The following MAPK10 variants were observed in gnomAD, a reference collection of about 807,000 sequenced individuals.
The protein encoded by MAPK10 is mitogen-activated protein kinase 10.
Under a neutral mutation model 59.3 loss-of-function variants are expected in MAPK10, and 25 were observed. That is an observed-to-expected ratio of 0.42 (90% CI 0.31 to 0.59). The LOEUF (loss-of-function observed/expected upper bound fraction) is 0.59, where lower values mean the gene tolerates loss of function less well. MAPK10 is among the 20% of genes least tolerant of loss of function. The pLI is 0.15. For missense variants in MAPK10, 351 were observed against 568.9 expected, an observed-to-expected ratio of 0.62 and a Z score of 3.90; for synonymous variants, 190 against 200.5, an observed-to-expected ratio of 0.95 and a Z score of 0.44.
At chr4:86,073,721 T>C (rs1439526793) in intron 9 of MAPK10, among the ~76,000 whole-genome samples, 1 of 112,056 alleles carries the variant, frequency 8.9e-6, no homozygotes, top group East Asian at 2.3e-4. Flanking sequence ...GGATTCTTAA[T>C]CCTGAGTTCT....
chr4:86,486,638 C>A (rs1040835440), intron 1 of MAPK10, among the ~76,000 whole-genome samples: 6 of 151,998 alleles, frequency 3.9e-5, no homozygotes, highest in South Asian at 4.1e-4. Flanking sequence ...TGAGGTTAGG[C>A]AAAGAAAACT....
intron 1 of MAPK10, among the ~76,000 whole-genome samples, chr4:86,429,363 C>T (rs978018018): frequency 2.0e-5 from 3 of 152,036 alleles, no homozygotes; most frequent in African/African-American, 7.2e-5. Context: ...GCAATTTGAA[C>T]ATGAAAAACA....
At chr4:86,371,869 C>T (rs1306514157) in intron 1 of MAPK10, among the ~76,000 whole-genome samples, 1 of 152,088 alleles carries the variant, frequency 6.6e-6, no homozygotes, top group Non-Finnish European at 1.5e-5. Flanking sequence ...AGATAATATG[C>T]TTTTCCCAGT....
intron 2 of MAPK10, among the ~76,000 whole-genome samples, chr4:86,201,418 A>G (rs2082590136): frequency 2.0e-5 from 3 of 152,062 alleles, no homozygotes; most frequent in South Asian, 2.1e-4. Flanking sequence ...GTTTAAAAAT[A>G]TAATGCTGAC....
intron 9 of MAPK10, among the ~76,000 whole-genome samples, chr4:86,078,593 A>G (rs1015549585): frequency 7.0e-6 from 1 of 142,140 alleles, no homozygotes; most frequent in South Asian, 2.1e-4. Context: ...ATACATATGT[A>G]TATATATATA....
chr4:86,492,720 T>A (rs1236899905), intron 1 of MAPK10, among the ~76,000 whole-genome samples: 1 of 152,214 alleles, frequency 6.6e-6, no homozygotes, highest in African/African-American at 2.4e-5. Flanking sequence ...AAAATTACCA[T>A]GGTGGATGAA....
At chr4:86,353,120 T>A (rs560799423) in intron 2 of MAPK10, among the ~76,000 whole-genome samples, 2 of 150,666 alleles carry the variant, frequency 1.3e-5, no homozygotes, top group African/African-American at 2.4e-5. Context: ...CTTCCTTGAC[T>A]AATCTCTACC....
intron 1 of MAPK10, among the ~76,000 whole-genome samples, chr4:86,415,849 C>A (rs531800511): frequency 6.6e-6 from 1 of 152,100 alleles, no homozygotes; most frequent in Non-Finnish European, 1.5e-5. Context: ...AACTCCAGAG[C>A]GAACTATGTA....
chr4:86,464,991 C>T (rs1752072040), intron 1 of MAPK10, among the ~76,000 whole-genome samples: 1 of 152,206 alleles, frequency 6.6e-6, no homozygotes, highest in Admixed American at 6.5e-5. Context: ...TGGTCTCAAA[C>T]ACAGATACAG....
At chr4:86,408,071 A>G (rs970222788) in intron 1 of MAPK10, among the ~76,000 whole-genome samples, 11 of 116,918 alleles carry the variant, frequency 9.4e-5, no homozygotes, top group African/African-American at 3.6e-4. Context: ...CCCCCCGACA[A>G]GCCCCCGTGT....
chr4:86,223,575 G>A (rs1025440198), intron 2 of MAPK10, among the ~76,000 whole-genome samples: 2 of 152,116 alleles, frequency 1.3e-5, no homozygotes, highest in African/African-American at 4.8e-5. Context: ...CTTCCACTGA[G>A]GCCTCCTTGC....
intron 13 of MAPK10, among the ~76,000 whole-genome samples, chr4:86,025,973 T>G (rs1749977849): frequency 6.6e-6 from 1 of 152,310 alleles, no homozygotes; most frequent in Non-Finnish European, 1.5e-5. Flanking sequence ...TGAGCCACAA[T>G]TTGTCTGGGC....
chr4:86,375,307 A>C (rs1488075771), intron 1 of MAPK10, among the ~76,000 whole-genome samples: 3 of 152,224 alleles, frequency 2.0e-5, no homozygotes, highest in African/African-American at 7.2e-5. Flanking sequence ...TACAATACAA[A>C]TAGAAAAATG....
intron 2 of MAPK10, among the ~76,000 whole-genome samples, chr4:86,329,767 T>C (rs1230411426): frequency 6.6e-6 from 1 of 152,178 alleles, no homozygotes; most frequent in Non-Finnish European, 1.5e-5. Context: ...CATTTCTACC[T>C]TCCAAAAATG....
chr4:86,500,328 T>C (rs1171338913), intron 1 of MAPK10, among the ~76,000 whole-genome samples: 1 of 152,202 alleles, frequency 6.6e-6, no homozygotes, highest in East Asian at 1.9e-4. Context: ...CATATGATTC[T>C]ATTTTCAGTT....
intron 2 of MAPK10, among the ~76,000 whole-genome samples, chr4:86,338,667 A>C (rs1431395347): frequency 6.6e-6 from 1 of 152,182 alleles, no homozygotes; most frequent in African/African-American, 2.4e-5. Flanking sequence ...TGCTCTTCCC[A>C]GTCCTAGTAG....
Position 86,085,986 on chromosome 4 carries a change from G to A in MAPK10, c.802+12538C>T, listed in dbSNP as rs1195334028. The stretch of plus-strand genomic sequence containing the variant: ...AACAATGAGAACACATGGACACAGG[G>A]AGGGGAATAATACACACTGGGGCCT... On this transcript the variant is annotated intron_variant, in intron 9 of 13. Transcript: ENST00000641462. Among the ~76,000 whole-genome samples, 6 of 152,264 alleles carry A rather than the reference G, an allele frequency of 3.9e-5. No individual in the cohort carries two copies. In the East Asian group the frequency reaches 1.2e-3, roughly 29 times the overall value.
At chr4:86,035,370 CAA>C (rs70948779) in intron 11 of MAPK10, among the ~76,000 whole-genome samples, 2,635 of 37,184 alleles carry the variant, frequency 0.071, 8 homozygotes, top group Non-Finnish European at 0.095. Context: ...GACTCTGTCT[CAA>C]AAAAAAAAAA....
chr4:86,293,219 C>T (rs542666813), intron 2 of MAPK10, among the ~76,000 whole-genome samples: 29 of 152,232 alleles, frequency 1.9e-4, no homozygotes, highest in Admixed American at 3.9e-4. Flanking sequence ...CTTTGAGGTA[C>T]AGGAAAATAT....
Sources: allele counts gnomAD v4.1 joint callset (sites outside exome capture counted in the v4.1 genomes callset), GRCh38; gene constraint gnomAD v4.1.1; transcripts MANE v1.5; gene names NCBI Gene and HGNC (gene_info 2026-07-23, HGNC 2026-07-21).